The following TULP4 variants were observed in gnomAD, a reference collection of about 807,000 sequenced individuals.
TULP4 encodes the protein TUB like protein 4, also known as tubby-related protein 4.
Under a neutral mutation model 129.0 loss-of-function variants are expected in TULP4, and 16 were observed. That is an observed-to-expected ratio of 0.12 (90% CI 0.08 to 0.19). TULP4 has a LOEUF of 0.19. TULP4 is among the 10% of genes least tolerant of loss of function. The pLI is 1.00. For missense variants in TULP4, 1,842 were observed against 2,059.1 expected (o/e 0.89, Z 2.04); for synonymous variants, 998 against 854.0 (o/e 1.17, Z -2.94).
chr6:158,465,199 C>A (rs1186331535), intron 6 of TULP4, among the ~76,000 whole-genome samples: 1 of 152,184 alleles, frequency 6.6e-6, no homozygotes, highest in African/African-American at 2.4e-5. Context: ...CCTTGGCCAA[C>A]AGCAGGCCCA....
intron 1 of TULP4, among the ~76,000 whole-genome samples, chr6:158,357,299 T>G (rs940765774): frequency 6.6e-6 from 1 of 152,224 alleles, no homozygotes; most frequent in Non-Finnish European, 1.5e-5. Context: ...GATTTGCCAC[T>G]GGTGTTACCA....
At chr6:158,244,551 A>G (rs1217747704) in intron 1 of TULP4, among the ~76,000 whole-genome samples, 1 of 152,146 alleles carries the variant, frequency 6.6e-6, no homozygotes, top group African/African-American at 2.4e-5. Context: ...AGAAGAAGAG[A>G]CACCAGGAGG....
chr6:158,409,414 A>G (rs1489731727), intron 1 of TULP4, among the ~76,000 whole-genome samples: 1 of 152,210 alleles, frequency 6.6e-6, no homozygotes, highest in African/African-American at 2.4e-5. Flanking sequence ...TAATACCCCA[A>G]GACAGAAGTT....
chr6:158,234,337 T>C (rs1777649022), intron 1 of TULP4, among the ~76,000 whole-genome samples: 1 of 128,298 alleles, frequency 7.8e-6, no homozygotes, highest in Non-Finnish European at 1.7e-5. Context: ...TGGCGAGTAA[T>C]GGAAGAGTCA....
chr6:158,285,977 A>G (rs566080681), intron 1 of TULP4, among the ~76,000 whole-genome samples: 1 of 152,216 alleles, frequency 6.6e-6, no homozygotes, highest in Non-Finnish European at 1.5e-5. Context: ...ATGCCAGGGG[A>G]TTATTTTTGC....
chr6:158,315,236 A>T (rs1354965461), intron 1 of TULP4, among the ~76,000 whole-genome samples: 3 of 152,148 alleles, frequency 2.0e-5, no homozygotes, highest in African/African-American at 7.2e-5. Context: ...TATTTCTCAC[A>T]GTTCGGGAGG....
intron 1 of TULP4, among the ~76,000 whole-genome samples, chr6:158,240,296 G>C (rs1583665932): frequency 1.2e-5 from 1 of 84,060 alleles, no homozygotes; most frequent in Non-Finnish European, 2.6e-5. Flanking sequence ...GGGTGGCCGG[G>C]CAGAGGCGCC....
intron 1 of TULP4, among the ~76,000 whole-genome samples, chr6:158,319,917 T>G (rs9347230): frequency 0.86 from 130,984 of 152,096 alleles, 56,829 homozygotes; most frequent in South Asian, 0.93. Context: ...TGTTAATGGT[T>G]CTAATCAGAT....
At chr6:158,409,444 C>T (rs1447289474) in intron 1 of TULP4, among the ~76,000 whole-genome samples, 8 of 152,164 alleles carry the variant, frequency 5.3e-5, no homozygotes, top group Admixed American at 1.3e-4. Context: ...TGAGAGTCAA[C>T]GAGAGTCACA....
chr6:158,258,362 T>G (rs151121641), intron 1 of TULP4, among the ~76,000 whole-genome samples: 140 of 152,342 alleles, frequency 9.2e-4, no homozygotes, highest in African/African-American at 3.1e-3. Flanking sequence ...TGCTGTTTGG[T>G]CCAGGTGGCA....
chr6:158,232,515 C>T (rs1023819447), intron 1 of TULP4, among the ~76,000 whole-genome samples: 1 of 151,246 alleles, frequency 6.6e-6, no homozygotes, highest in African/African-American at 2.4e-5. Context: ...TGACCCGGGC[C>T]CGGCGGCCGT....
chr6:158,300,986 A>C (rs1392623777), intron 1 of TULP4, among the ~76,000 whole-genome samples: 1 of 152,234 alleles, frequency 6.6e-6, no homozygotes, highest in South Asian at 2.1e-4. Flanking sequence ...TATCGTTACC[A>C]GCAGACATGG....
At chr6:158,250,563 A>G (rs1778121827) in intron 1 of TULP4, among the ~76,000 whole-genome samples, 1 of 152,172 alleles carries the variant, frequency 6.6e-6, no homozygotes, top group African/African-American at 2.4e-5. Context: ...CTCAAGGTTG[A>G]CCATATGGTT....
chr6:158,257,107 G>GT (rs1354827722), intron 1 of TULP4, among the ~76,000 whole-genome samples: 9 of 152,162 alleles, frequency 5.9e-5, no homozygotes, highest in Admixed American at 6.5e-5. Context: ...CTCCAACCAG[G>GT]TTAGTAGGTT....
At chr6:158,499,521 T>C (rs1374576588) in intron 12 of TULP4, among the ~76,000 whole-genome samples, 5 of 152,266 alleles carry the variant, frequency 3.3e-5, no homozygotes, top group Non-Finnish European at 4.4e-5. Context: ...CCAATTAGTC[T>C]GGCCAGTTAG....
At chr6:158,276,094 C>T (rs1778640773) in intron 1 of TULP4, among the ~76,000 whole-genome samples, 1 of 152,114 alleles carries the variant, frequency 6.6e-6, no homozygotes, top group Non-Finnish European at 1.5e-5. Context: ...CTCAGCCCCC[C>T]AAGTAGCTGG....
intron 8 of TULP4, among the ~76,000 whole-genome samples, chr6:158,482,175 CCA>C (rs761945889): frequency 6.6e-6 from 1 of 152,196 alleles, no homozygotes; most frequent in Non-Finnish European, 1.5e-5. Context: ...CTTCCTCGCT[CCA>C]GTTTACTCTC....
chr6:158,277,024 C>CA, intron 1 of TULP4, among the ~76,000 whole-genome samples: 1 of 152,274 alleles, frequency 6.6e-6, no homozygotes, highest in South Asian at 2.1e-4. Flanking sequence ...ACTGCAGCCT[C>CA]AACTTCCCAG....
Position 158,313,329 on chromosome 6 carries a change from GTC to G in TULP4, c.-686_-685del, listed in dbSNP as rs1779406520. The G allele has an allele frequency of 5.1e-6, 2 of 395,744 alleles. No homozygotes were observed. Among genetic ancestry groups the G allele is most frequent in the African/African-American group, 2.1e-5 (1 of 48,600 alleles). The allele number at this position is 395,744 out of a possible 1,614,324, so 24.5% of individuals were successfully genotyped here. On this transcript the variant is annotated 5_prime_UTR_variant, in exon 1 of 14. Coordinates refer to ENST00000367097, the MANE Select transcript of TULP4 (RefSeq NM_020245.5). ...CTGGTTCTGAAACAACAAGGAGAGA[GTC>G]TGTTTTTCTTCCTAAAATTTGGACT... is the stretch of plus-strand genomic sequence containing the variant.
Sources: gnomAD v4.1 joint callset for allele counts (sites outside exome capture counted in the v4.1 genomes callset) on GRCh38, gnomAD v4.1.1 for gene constraint, MANE v1.5 for transcripts, NCBI Gene and HGNC (gene_info 2026-07-23, HGNC 2026-07-21) for gene names.